Variants in YEATS2 observed in about 807,000 individuals in gnomAD.
The protein encoded by YEATS2 is YEATS domain containing 2.
In YEATS2, 77 loss-of-function variants were observed where a neutral mutation model predicts 163.2. The ratio of observed to expected loss-of-function variants is 0.47; its 90% CI spans 0.39 to 0.57. The LOEUF is 0.57. Among genes scored for constraint, YEATS2 ranks in the 20% least tolerant of loss-of-function variants. YEATS2 has a pLI of 0.00. For synonymous variants in YEATS2, 631 were observed against 645.1 expected, an observed-to-expected ratio of 0.98 and a Z score of 0.33; for missense variants, 1,549 against 1,729.8, an observed-to-expected ratio of 0.90 and a Z score of 1.85.
At chr3:183,767,478 T>G (rs1249959279) in intron 15 of YEATS2, among the ~76,000 whole-genome samples, 1 of 152,070 alleles carries the variant, frequency 6.6e-6, no homozygotes, top group Non-Finnish European at 1.5e-5. Flanking sequence ...CCTCTTGGGT[T>G]CAAGTGATTC....
rs187007180 is a variant in YEATS2, at chr3:183,787,078, C to T, written c.2913+777C>T. 2.5e-3 allele frequency among the ~76,000 whole-genome samples: 379 copies of T among 152,208 alleles called. 1 individual carries two copies. The highest frequency in any genetic ancestry group is 6.4e-3 in the African/African-American group (267 of 41,554). The stretch of plus-strand genomic sequence containing the variant: ...CAAGCGATTCCCCTGCCTCAGCCTC[C>T]CAAGTAGCTGGGACTACAGGCACGC... On this transcript the variant is annotated intron_variant, in intron 20 of 30. Transcript: ENST00000305135.
intron 7 of YEATS2, among the ~76,000 whole-genome samples, chr3:183,733,151 G>A (rs1006283880): frequency 1.3e-5 from 2 of 152,248 alleles, no homozygotes; most frequent in Admixed American, 6.5e-5. Flanking sequence ...TTGATACTGA[G>A]TGAATTATTG....
chr3:183,735,973 G>T (rs1718295844), intron 7 of YEATS2, among the ~76,000 whole-genome samples: 1 of 152,074 alleles, frequency 6.6e-6, no homozygotes, highest in Admixed American at 6.6e-5. Context: ...AGTACTTAAT[G>T]ATATATCAAT....
chr3:183,767,813 G>A (rs111551294), intron 15 of YEATS2, among the ~76,000 whole-genome samples: 4,289 of 152,126 alleles, frequency 0.028, 205 homozygotes, highest in African/African-American at 0.096. Flanking sequence ...CACCACGCCC[G>A]GCAGGATACC....
chr3:183,760,676 A>G (rs1721256127), intron 13 of YEATS2, among the ~76,000 whole-genome samples: 1 of 152,036 alleles, frequency 6.6e-6, no homozygotes, highest in African/African-American at 2.4e-5. Flanking sequence ...GTGCCAAATT[A>G]TTCAAGTTTT....
At chr3:183,783,075 A>G (rs1036109582) in intron 19 of YEATS2, among the ~76,000 whole-genome samples, 6 of 152,238 alleles carry the variant, frequency 3.9e-5, no homozygotes, top group African/African-American at 1.2e-4. Flanking sequence ...TAAAGCTCCA[A>G]TGCAAATTAT....
chr3:183,732,203 C>T (rs1469210083), intron 7 of YEATS2, among the ~76,000 whole-genome samples: 3 of 151,112 alleles, frequency 2.0e-5, no homozygotes, highest in African/African-American at 7.3e-5. Flanking sequence ...GTAATCCCAG[C>T]ACTTTGGGAG....
chr3:183,745,766 A>G (rs1719471956), intron 8 of YEATS2, among the ~76,000 whole-genome samples: 1 of 152,152 alleles, frequency 6.6e-6, no homozygotes, highest in African/African-American at 2.4e-5. Flanking sequence ...TCCCAAGCCA[A>G]CACATTGATC....
rs201656182 is a variant in YEATS2, at chr3:183,805,798, G to C, written c.3785-1068G>C. Among the ~76,000 whole-genome samples, 316 of 151,342 alleles carry C rather than the reference G, an allele frequency of 2.1e-3. 6 individuals carry two copies. In the East Asian group the frequency reaches 0.051, roughly 24 times the overall value. On this transcript the variant is annotated intron_variant, in intron 27 of 30. Transcript: ENST00000305135. ...CGCAAAACCCTGTCCAAAAAAAAAA[G>C]GGGGGGCAAGTCCCAGTTTTGCCAT...
chr3:183,718,666 GA>G, intron 4 of YEATS2, 74 bp downstream of exon 4: 1 of 1,140,102 alleles, frequency 8.8e-7, no homozygotes, highest in Non-Finnish European at 1.3e-6. Context: ...TGTCAATATG[GA>G]ATCCCTGCAT....
intron 23 of YEATS2, among the ~76,000 whole-genome samples, chr3:183,800,123 C>A (rs541314100): frequency 1.3e-5 from 2 of 152,092 alleles, no homozygotes; most frequent in Non-Finnish European, 2.9e-5. Context: ...TGAGCCACCG[C>A]GCCCGGCCCA....
At chr3:183,746,151 C>A (rs1371722680) in intron 8 of YEATS2, among the ~76,000 whole-genome samples, 1 of 152,100 alleles carries the variant, frequency 6.6e-6, no homozygotes, top group Non-Finnish European at 1.5e-5. Flanking sequence ...CAACCTCAAC[C>A]TCCTGGGCTC....
intron 19 of YEATS2, among the ~76,000 whole-genome samples, chr3:183,778,560 TG>T (rs1352585041): frequency 6.6e-6 from 1 of 152,212 alleles, no homozygotes; most frequent in Non-Finnish European, 1.5e-5. Flanking sequence ...TTCTCCATGT[TG>T]GTCAGGCTGG....
chr3:183,808,259 T>TCC, intron 29 of YEATS2, 155 bp downstream of exon 29: 1 of 632,818 alleles, frequency 1.6e-6, no homozygotes, highest in Non-Finnish European at 2.7e-6. Flanking sequence ...TTTTGTTTTT[T>TCC]TTCCTTCTGA....
At chr3:183,767,809 G>A (rs1042934705) in intron 15 of YEATS2, among the ~76,000 whole-genome samples, 2 of 152,048 alleles carry the variant, frequency 1.3e-5, no homozygotes, top group African/African-American at 2.4e-5. Flanking sequence ...GAGCCACCAC[G>A]CCCGGCAGGA....
intron 7 of YEATS2, among the ~76,000 whole-genome samples, chr3:183,736,239 T>C (rs1039779567): frequency 5.9e-5 from 9 of 152,228 alleles, no homozygotes; most frequent in Non-Finnish European, 1.0e-4. Flanking sequence ...TGTGAACATA[T>C]GATCTTTCTT....
At chr3:183,705,106 C>T (rs754638139) in intron 1 of YEATS2, among the ~76,000 whole-genome samples, 12 of 151,960 alleles carry the variant, frequency 7.9e-5, no homozygotes, top group Non-Finnish European at 1.3e-4. Context: ...GGAGGTGCAA[C>T]GGCGCGATCT....
chr3:183,740,508 A>G (rs919846084), intron 8 of YEATS2, among the ~76,000 whole-genome samples: 3 of 152,242 alleles, frequency 2.0e-5, no homozygotes, highest in Non-Finnish European at 2.9e-5. Context: ...TGATTTGGAG[A>G]AAGTCTCAGT....
rs1725406403 is a variant in YEATS2, at chr3:183,798,879, T to C, written c.3227-12T>C. 2 of 1,604,984 alleles carry C rather than the reference T, an allele frequency of 1.2e-6. No individual in the cohort carries two copies. The highest frequency in any genetic ancestry group is 1.7e-6 in the Non-Finnish European group (2 of 1,171,846). On this transcript the variant is annotated splice_polypyrimidine_tract_variant and intron_variant, in intron 22 of 30. Coordinates refer to ENST00000305135, the MANE Select transcript of YEATS2 (RefSeq NM_018023.5). ...GTATTTGTTATATCCCTCCCTCCTT[T>C]TTTCCCTTTAGTGGTTCAGTCATTT...
Sources: allele counts gnomAD v4.1 joint callset (sites outside exome capture counted in the v4.1 genomes callset), GRCh38; gene constraint gnomAD v4.1.1; transcripts MANE v1.5; gene names NCBI Gene and HGNC (gene_info 2026-07-23, HGNC 2026-07-21).